Variants in FRY observed in about 807,000 individuals in gnomAD.
The protein encoded by FRY is protein furry homolog.
A neutral mutation model predicts 348.4 loss-of-function variants in FRY; 128 were observed. The observed-to-expected ratio is 0.37, with a 90% confidence interval of 0.32 to 0.43. The LOEUF is 0.43. Ranked by LOEUF, FRY falls within the 20% of genes least tolerant of loss-of-function variation. The pLI, the probability that FRY is intolerant of heterozygous loss-of-function variation, is 1.00. For synonymous variants in FRY, 1,370 were observed against 1,374.7 expected (o/e 1.00, Z 0.08); for missense variants, 2,736 against 3,695.2 (o/e 0.74, Z 6.73).
intron 14 of FRY, among the ~76,000 whole-genome samples, chr13:32,154,005 C>T (rs1049993890): frequency 3.3e-5 from 5 of 152,080 alleles, no homozygotes; most frequent in African/African-American, 9.7e-5. Flanking sequence ...TTAGTGTTGT[C>T]CCGGGAAAAG....
Position 32,161,186 on chromosome 13 carries a change from TG to T in FRY, c.1828del (p.Ala610LeufsTer65), listed in dbSNP as rs1442676119. On this transcript the variant is annotated frameshift_variant, in exon 17 of 61. Coordinates refer to ENST00000542859, the MANE Select transcript of FRY (RefSeq NM_023037.3). LOFTEE classifies it high-confidence loss of function. ...PKIDLFRTCVAAIPRLLPDGM... is the reference protein window; with the variant it reads ...PKIDLFRTCVXAIPRLLPDGM... ...AAATAGATCTTTTCAGGACCTGTGTTGCTGCTATTCCTCGACTGCTTCCTGA... is the reference window on the plus strand; with the variant it reads ...AAATAGATCTTTTCAGGACCTGTGTTCTGCTATTCCTCGACTGCTTCCTGA... The T allele has an allele frequency of 6.2e-7, 1 of 1,613,628 alleles. No individual in the cohort carries two copies. Among genetic ancestry groups the T allele is most frequent in the Non-Finnish European group, 8.5e-7 (1 of 1,179,650 alleles).
chr13:32,224,799 C>CT (rs778896554), intron 37 of FRY, 134 bp from the exon 38 acceptor site: 7 of 702,132 alleles, frequency 1.0e-5, no homozygotes, highest in Non-Finnish European at 1.8e-5. Flanking sequence ...AAGTTAAACT[C>CT]TATTTCCCCC....
In FRY at chr13:32,297,732, C is replaced by T. The variant is rs1478151958; in HGVS notation, c.*2272C>T. 2.0e-5 allele frequency: 3 copies of T among 152,156 alleles called. No homozygotes were observed. Among genetic ancestry groups the T allele is most frequent in the Admixed American group, 6.5e-5 (1 of 15,282 alleles). 9.4% of individuals were successfully genotyped at this position (152,156 alleles called of 1,614,324 possible). ...AGCCCAGCAATAACTTTAGATCTACCAGTCAAATCTTGTCGGCTATTGCTC... is the reference window on the plus strand; with the variant it reads ...AGCCCAGCAATAACTTTAGATCTACTAGTCAAATCTTGTCGGCTATTGCTC... On this transcript the variant is annotated 3_prime_UTR_variant, in exon 61 of 61. Coordinates refer to ENST00000542859, the MANE Select transcript of FRY (RefSeq NM_023037.3).
chr13:32,133,971 G>A (rs1879541446), intron 8 of FRY, among the ~76,000 whole-genome samples: 1 of 151,548 alleles, frequency 6.6e-6, no homozygotes, highest in African/African-American at 2.4e-5. Context: ...GTAGAGACAG[G>A]GTTTGGCCAT....
chr13:32,098,056 C>T (rs1299480278), intron 2 of FRY, among the ~76,000 whole-genome samples: 2 of 152,062 alleles, frequency 1.3e-5, no homozygotes, highest in South Asian at 2.1e-4. Context: ...CTGGCAAATG[C>T]GTAGCCAGCA....
At chr13:32,225,728 T>A (rs1885543969) in intron 38 of FRY, 61 bp from the exon 39 acceptor site, 1 of 1,200,476 alleles carries the variant, frequency 8.3e-7, no homozygotes. Context: ...ATCTTTACTA[T>A]CCCTGGAATC....
intron 33 of FRY, 116 bp from the exon 34 acceptor site, chr13:32,210,750 A>G: frequency 1.2e-6 from 1 of 811,510 alleles, no homozygotes; most frequent in African/African-American, 1.7e-5. Flanking sequence ...AAGATTAGCT[A>G]TCACGGTGAC....
chr13:32,263,995 A>T (rs1887800718), intron 53 of FRY, among the ~76,000 whole-genome samples: 1 of 152,166 alleles, frequency 6.6e-6, no homozygotes, highest in Admixed American at 6.5e-5. Context: ...CGACAGAGCG[A>T]GACTCCATCT....
At position 32,269,428 on chromosome 13, in the gene FRY, C is replaced by T. The variant is rs1048131411; in HGVS notation, c.8136+2069C>T. 6.6e-5 allele frequency among the ~76,000 whole-genome samples: 10 copies of T among 152,108 alleles called. 1 individual carries two copies. The highest frequency in any genetic ancestry group is 2.9e-5 in the Non-Finnish European group (2 of 68,012). ...CCAATCAGCCAGGCACAGTGGCTCA[C>T]ACCTGTAATCCCAACACTTTGGGAG... On this transcript the variant is annotated intron_variant, in intron 55 of 60. Coordinates refer to ENST00000542859, the MANE Select transcript of FRY (RefSeq NM_023037.3).
intron 3 of FRY, among the ~76,000 whole-genome samples, chr13:32,110,102 G>A (rs1877859955): frequency 6.6e-6 from 1 of 152,218 alleles, no homozygotes; most frequent in East Asian, 1.9e-4. Context: ...GCTATTCATG[G>A]ATGTGTAGAG....
intron 1 of FRY, among the ~76,000 whole-genome samples, chr13:32,076,088 G>T: frequency 6.6e-6 from 1 of 152,140 alleles, no homozygotes; most frequent in East Asian, 1.9e-4. Context: ...AGGTTTTCTG[G>T]TATCTGAATT....
At chr13:32,112,697 T>C (rs147100344) in intron 3 of FRY, among the ~76,000 whole-genome samples, 3 of 152,384 alleles carry the variant, frequency 2.0e-5, no homozygotes, top group East Asian at 3.9e-4. Flanking sequence ...TTACATACTT[T>C]TGTGTACTTG....
intron 3 of FRY, among the ~76,000 whole-genome samples, chr13:32,103,504 C>T (rs1034388085): frequency 1.3e-5 from 2 of 152,060 alleles, no homozygotes; most frequent in Non-Finnish European, 2.9e-5. Context: ...CAGGGCCTGT[C>T]GTCGGGTGGA....
At chr13:32,138,657 G>A (rs1385766268) in intron 11 of FRY, among the ~76,000 whole-genome samples, 1 of 152,176 alleles carries the variant, frequency 6.6e-6, no homozygotes, top group Non-Finnish European at 1.5e-5. Context: ...CCAGAAAGAG[G>A]ATGTAGAGTG....
rs1384569977 is a variant in FRY, at chr13:32,224,438, A to G, written c.4916+53A>G. On this transcript the variant is annotated intron_variant, in intron 37 of 60. Coordinates refer to ENST00000542859, the MANE Select transcript of FRY (RefSeq NM_023037.3). ...ATCTTAGCTTTGACTGGACTTTTCT[A>G]CCTATGACAAGAGAAAAACCTAGTC... is the stretch of plus-strand genomic sequence containing the variant. The G allele has an allele frequency of 3.8e-6, 6 of 1,562,724 alleles. No individual in the cohort carries two copies. The East Asian group carries it at 6.7e-5, about 18-fold the overall frequency.
chr13:32,183,860 G>A (rs905974377), intron 24 of FRY, among the ~76,000 whole-genome samples: 2 of 151,904 alleles, frequency 1.3e-5, no homozygotes, highest in Non-Finnish European at 2.9e-5. Flanking sequence ...AATTAGGTCA[G>A]GTGCAGTAGC....
chr13:32,209,231 T>A, intron 32 of FRY, 122 bp downstream of exon 32: 1 of 1,086,482 alleles, frequency 9.2e-7, no homozygotes, highest in Non-Finnish European at 1.4e-6. Context: ...GGATAAATAG[T>A]GGTGATGGTT....
intron 28 of FRY, among the ~76,000 whole-genome samples, chr13:32,191,976 T>G (rs940940841): frequency 1.3e-5 from 2 of 152,126 alleles, no homozygotes; most frequent in Non-Finnish European, 2.9e-5. Context: ...TATAATTCCA[T>G]TTATATAGAC....
At chr13:32,089,995 G>A (rs1044683099) in intron 2 of FRY, among the ~76,000 whole-genome samples, 2 of 152,044 alleles carry the variant, frequency 1.3e-5, no homozygotes, top group African/African-American at 4.8e-5. Flanking sequence ...AATAGGAGAG[G>A]AAAGAAAGAC....
Sources: allele counts gnomAD v4.1 joint callset (sites outside exome capture counted in the v4.1 genomes callset), GRCh38; gene constraint gnomAD v4.1.1; transcripts MANE v1.5; gene names NCBI Gene and HGNC (gene_info 2026-07-23, HGNC 2026-07-21).